The following CRYM variants were observed in gnomAD, a reference collection of about 807,000 sequenced individuals.
CRYM encodes crystallin mu.
In CRYM, 18 loss-of-function variants were observed where a neutral mutation model predicts 32.9. The ratio of observed to expected loss-of-function variants is 0.55; its 90% CI spans 0.38 to 0.81. The LOEUF (loss-of-function observed/expected upper bound fraction) is 0.81. Ranked by LOEUF, CRYM falls within the 30% of genes least tolerant of loss-of-function variation. CRYM has a pLI of 0.00. For missense variants in CRYM, 337 were observed against 393.5 expected, an observed-to-expected ratio of 0.86 and a Z score of 1.21; for synonymous variants, 153 against 152.4, an observed-to-expected ratio of 1.00 and a Z score of -0.03.
At chr16:21,301,090 T>C (rs1033401873) in intron 1 of CRYM, 48 of 152,410 alleles carry the variant, frequency 3.1e-4, no homozygotes, top group African/African-American at 1.2e-3. Flanking sequence ...CGGAATCTTT[T>C]GGGTGGCCCG....
intron 7 of CRYM, among the ~76,000 whole-genome samples, 180 bp from the exon 8 acceptor site, chr16:21,259,025 T>C (rs1296423078): frequency 6.6e-6 from 1 of 152,170 alleles, no homozygotes; most frequent in Non-Finnish European, 1.5e-5. Context: ...GCAGAGAATA[T>C]GATAGTAAGA....
chr16:21,284,681 A>G (rs1003817438), intron 1 of CRYM, among the ~76,000 whole-genome samples: 1 of 152,210 alleles, frequency 6.6e-6, no homozygotes, highest in Non-Finnish European at 1.5e-5. Flanking sequence ...CCAATCCACC[A>G]TTGATAGGCA....
At chr16:21,278,694 T>C (rs760757225), upstream of CRYM, 90 of 202,224 alleles carry the variant, frequency 4.5e-4, 1 homozygote, top group Non-Finnish European at 5.8e-4. Context: ...TACTGCCTAC[T>C]GCTAGGAGAT....
rs759448503 is a variant in CRYM at position 21,277,529 on chromosome 16, A to G, written c.226T>C (p.Leu76=). 6.8e-6 allele frequency: 11 copies of G among 1,613,952 alleles called. No homozygotes were observed. Among genetic ancestry groups the G allele is most frequent in the Middle Eastern group, 1.7e-4 (1 of 6,040 alleles). The change falls in exon 2 of 8, where the codon TTG becomes CTG. Residue 76 remains leucine (L), a synonymous_variant. Coordinates refer to ENST00000572914, the MANE Select transcript of CRYM (RefSeq NM_001376256.1). This position sits in a 1 kb window ranked among gnomAD's most constrained non-coding sequence, Gnocchi z 4.2. ...CCGCGGTCCTCGTAGAAGGTGACCA[A>G]CTTGGTGGTCAGTGCATCCTCTGCA... ...SAAEDALTTK[L]VTFYEDRGIT... is the part of the protein sequence containing the mutation.
At chr16:21,289,494 G>T (rs1425214841) in intron 1 of CRYM, among the ~76,000 whole-genome samples, 3 of 152,132 alleles carry the variant, frequency 2.0e-5, no homozygotes, top group African/African-American at 7.2e-5. Flanking sequence ...GGTAGCATAT[G>T]GTTGGATCAT....
Position 21,269,035 on chromosome 16 carries a change from T to C in CRYM, c.489+755A>G, listed in dbSNP as rs187785365. On this transcript the variant is annotated intron_variant, in intron 4 of 7. Coordinates refer to ENST00000572914, the MANE Select transcript of CRYM (RefSeq NM_001376256.1). ...AGTGGGCGCCTATAATCCAAGCTAC[T>C]TGGGAGGCTGAGGCCCAAGAATCAC... 8.3e-4 allele frequency among the ~76,000 whole-genome samples: 126 copies of C among 151,554 alleles called. 1 individual carries two copies. Among genetic ancestry groups the C allele is most frequent in the African/African-American group, 2.9e-3 (120 of 41,236 alleles).
At chr16:21,290,896 G>C (rs1008362949) in intron 1 of CRYM, among the ~76,000 whole-genome samples, 1 of 152,096 alleles carries the variant, frequency 6.6e-6, no homozygotes, top group Non-Finnish European at 1.5e-5. Context: ...AACGGTATGA[G>C]AAATAATCAG....
intron 1 of CRYM, among the ~76,000 whole-genome samples, chr16:21,292,556 G>A (rs1434149695): frequency 6.6e-6 from 1 of 152,012 alleles, no homozygotes; most frequent in African/African-American, 2.4e-5. Flanking sequence ...TTTATTTTTG[G>A]TAGAAATTTA....
chr16:21,270,944 G>A (rs571030711), intron 3 of CRYM, among the ~76,000 whole-genome samples: 2 of 152,312 alleles, frequency 1.3e-5, no homozygotes, highest in East Asian at 1.9e-4. Context: ...TTGATAGAAT[G>A]CACCAGGCCA....
At chr16:21,261,209 C>T (rs2093353707) in intron 7 of CRYM, 45 bp downstream of exon 7, 1 of 1,471,028 alleles carries the variant, frequency 6.8e-7, no homozygotes, top group African/African-American at 1.4e-5. Context: ...GTGAACCTGC[C>T]TTGTGCGCTA....
chr16:21,302,664 A>G (rs1960981248), intron 1 of CRYM, among the ~76,000 whole-genome samples: 1 of 152,166 alleles, frequency 6.6e-6, no homozygotes, highest in Admixed American at 6.5e-5. Flanking sequence ...TGATTAGGCC[A>G]GCTGTGTTTG....
chr16:21,294,309 C>T (rs977759334), intron 1 of CRYM, among the ~76,000 whole-genome samples: 6 of 152,062 alleles, frequency 3.9e-5, no homozygotes, highest in Non-Finnish European at 7.4e-5. Flanking sequence ...CTGGAGGGTG[C>T]GGAGCAGAAT....
intron 1 of CRYM, chr16:21,300,563 T>TA (rs1266832373): frequency 6.7e-6 from 1 of 150,320 alleles, no homozygotes; most frequent in Non-Finnish European, 1.5e-5. Context: ...GCCCTACACG[T>TA]GAGTCCCAAT....
chr16:21,284,497 C>G (rs112160232), intron 1 of CRYM, among the ~76,000 whole-genome samples: 4 of 152,310 alleles, frequency 2.6e-5, no homozygotes, highest in African/African-American at 9.6e-5. Flanking sequence ...CCCACTGCCT[C>G]TCCCAATTGC....
At chr16:21,279,504 G>T (rs961933417), upstream of CRYM, among the ~76,000 whole-genome samples, 1 of 152,182 alleles carries the variant, frequency 6.6e-6, no homozygotes, top group Non-Finnish European at 1.5e-5. Flanking sequence ...GTGTTAGGCT[G>T]GAATAAGGTG....
chr16:21,278,099 C>CGT lies in CRYM; in HGVS notation c.152_153insAC (p.Val52ArgfsTer2). 2 of 1,546,918 alleles carry CGT rather than the reference C, an allele frequency of 1.3e-6. No homozygotes were observed. Among genetic ancestry groups the CGT allele is most frequent in the East Asian group, 4.9e-5 (2 of 40,900 alleles). ...TCACTCACCCCCTGTGCTTGGTCAC[C>CGT]GGCACCACGGTGCGCACGGGCTGCA... On this transcript the variant is annotated frameshift_variant, in exon 1 of 8. Transcript: ENST00000572914. LOFTEE classifies it high-confidence loss of function.
intron 5 of CRYM, among the ~76,000 whole-genome samples, chr16:21,263,819 G>T (rs890932551): frequency 2.0e-5 from 3 of 152,238 alleles, no homozygotes; most frequent in Non-Finnish European, 4.4e-5. Context: ...GGAGACTGAG[G>T]GGCGGGGAAG....
At chr16:21,290,940 G>C (rs868860176) in intron 1 of CRYM, among the ~76,000 whole-genome samples, 2 of 152,192 alleles carry the variant, frequency 1.3e-5, no homozygotes, top group Non-Finnish European at 1.5e-5. Flanking sequence ...ATGACAGGAA[G>C]ACAGATGATA....
chr16:21,272,218 C>T (rs12934419), intron 3 of CRYM, among the ~76,000 whole-genome samples: 2 of 152,106 alleles, frequency 1.3e-5, no homozygotes, highest in Non-Finnish European at 2.9e-5. Context: ...GCACTTCAAT[C>T]TTTTCTCCTA....
Sources: allele counts gnomAD v4.1 joint callset (sites outside exome capture counted in the v4.1 genomes callset), GRCh38; gene constraint gnomAD v4.1.1; non-coding constraint Gnocchi (gnomAD v3.1); transcripts MANE v1.5; gene names NCBI Gene and HGNC (gene_info 2026-07-23, HGNC 2026-07-21).